The following CFAP300 variants were observed in gnomAD, a reference collection of about 807,000 sequenced individuals.
CFAP300 encodes cilia and flagella associated protein 300, also known as cilia- and flagella-associated protein 300.
A neutral mutation model predicts 33.0 loss-of-function variants in CFAP300; 32 were observed. That is an observed-to-expected ratio of 0.97 (90% CI 0.73 to 1.30). The LOEUF is 1.30. Ranked by LOEUF, CFAP300 falls within the 50% of genes most tolerant of loss-of-function variation. The probability of loss-of-function intolerance (pLI) is 0.00; values close to 1 mark genes in which losing one functional copy is unlikely to be tolerated. For missense variants in CFAP300, 356 were observed against 318.1 expected, an observed-to-expected ratio of 1.12 and a Z score of -0.90; for synonymous variants, 102 against 106.8, an observed-to-expected ratio of 0.95 and a Z score of 0.28.
intron 3 of CFAP300, among the ~76,000 whole-genome samples, chr11:102,064,349 T>G (rs1169814967): frequency 1.3e-5 from 2 of 152,222 alleles, no homozygotes; most frequent in African/African-American, 4.8e-5. Context: ...GTCTTGTTTT[T>G]TTGGACTTTC....
intron 3 of CFAP300, among the ~76,000 whole-genome samples, chr11:102,062,306 C>T (rs752444846): frequency 5.3e-5 from 8 of 152,136 alleles, no homozygotes; most frequent in Non-Finnish European, 1.0e-4. Flanking sequence ...CCCAAGGTGA[C>T]TAAGATGGAT....
At chr11:102,053,281 G>A (rs1050634851) in intron 2 of CFAP300, among the ~76,000 whole-genome samples, 2 of 151,012 alleles carry the variant, frequency 1.3e-5, no homozygotes, top group Admixed American at 6.6e-5. Flanking sequence ...TGGGCACAGT[G>A]GCTCTCACGC....
Position 102,066,509 on chromosome 11 carries a change from C to A in CFAP300, c.293C>A (p.Ala98Asp). ...GGAACTGAAGTGAAAAAAATTGAAGCTATAAATGTTCCTTGCACACAGCTT... is the reference window on the plus strand; with the variant it reads ...GGAACTGAAGTGAAAAAAATTGAAGATATAAATGTTCCTTGCACACAGCTT... ...ILGTEVKKIE[A>D]INVPCTQLSM... The change falls in exon 4 of 7, where the codon GCT becomes GAT. Residue 98 changes from alanine (A) to aspartate (D), a missense_variant. Physicochemically the swap from Ala to Asp is moderately radical, Grantham distance 126 (BLOSUM62 -2). Transcript: ENST00000434758. The A allele has an allele frequency of 6.3e-7, 1 of 1,598,926 alleles. No homozygotes were observed. Among genetic ancestry groups the A allele is most frequent in the Non-Finnish European group, 8.5e-7 (1 of 1,174,824 alleles).
chr11:102,049,456 A>G (rs1941936364), intron 2 of CFAP300, among the ~76,000 whole-genome samples: 1 of 152,190 alleles, frequency 6.6e-6, no homozygotes, highest in African/African-American at 2.4e-5. Flanking sequence ...ATATTTCAGG[A>G]AGGATGTAAA....
chr11:102,058,989 T>C, intron 3 of CFAP300, 34 bp downstream of exon 3: 1 of 1,313,752 alleles, frequency 7.6e-7, no homozygotes, highest in African/African-American at 1.5e-5. Flanking sequence ...AGATACTATT[T>C]TACTATTATA....
chr11:102,073,736 C>A (rs1942352742), intron 4 of CFAP300, among the ~76,000 whole-genome samples: 1 of 152,044 alleles, frequency 6.6e-6, no homozygotes, highest in South Asian at 2.1e-4. Context: ...CAACAGTGGC[C>A]ATGGCAGTAG....
chr11:102,077,560 T>C (rs1224394278), intron 5 of CFAP300, among the ~76,000 whole-genome samples: 3 of 152,232 alleles, frequency 2.0e-5, no homozygotes, highest in Non-Finnish European at 4.4e-5. Flanking sequence ...ACCTTTTTTA[T>C]TTTTTAAATT....
intron 5 of CFAP300, among the ~76,000 whole-genome samples, chr11:102,077,987 C>T (rs190291605): frequency 9.9e-5 from 15 of 152,264 alleles, no homozygotes; most frequent in Admixed American, 9.8e-4. Context: ...GCCTCCTGGG[C>T]TCACGTAGTC....
intron 2 of CFAP300, among the ~76,000 whole-genome samples, chr11:102,049,557 A>G (rs1415153404): frequency 6.6e-6 from 1 of 152,152 alleles, no homozygotes; most frequent in East Asian, 1.9e-4. Flanking sequence ...GTGCCATTAT[A>G]TTATAATGCT....
intron 2 of CFAP300, among the ~76,000 whole-genome samples, chr11:102,048,841 C>A (rs1941927050): frequency 6.6e-6 from 1 of 151,628 alleles, no homozygotes; most frequent in African/African-American, 2.4e-5. Context: ...ATGGAAAATA[C>A]TGTTACAGTT....
intron 2 of CFAP300, among the ~76,000 whole-genome samples, chr11:102,048,567 T>G (rs1229660262): frequency 6.6e-6 from 1 of 152,164 alleles, no homozygotes; most frequent in Non-Finnish European, 1.5e-5. Context: ...GCCGCTTTAT[T>G]TACTAGCTCC....
chr11:102,070,370 C>T (rs1011694677), intron 4 of CFAP300, among the ~76,000 whole-genome samples: 1 of 152,172 alleles, frequency 6.6e-6, no homozygotes, highest in Non-Finnish European at 1.5e-5. Context: ...TCTGTAGAGA[C>T]TGTGAATGAG....
intron 2 of CFAP300, among the ~76,000 whole-genome samples, chr11:102,049,570 T>A (rs1475994653): frequency 1.3e-5 from 2 of 152,180 alleles, no homozygotes. Context: ...ATAATGCTAC[T>A]GATAATGACA....
intron 5 of CFAP300, among the ~76,000 whole-genome samples, chr11:102,080,827 G>A (rs765861551): frequency 6.6e-6 from 1 of 152,146 alleles, no homozygotes; most frequent in Non-Finnish European, 1.5e-5. Context: ...GAAAGAACTA[G>A]CATTTGTATT....
chr11:102,069,474 C>A (rs1244974722), intron 4 of CFAP300, among the ~76,000 whole-genome samples: 1 of 152,014 alleles, frequency 6.6e-6, no homozygotes, highest in Non-Finnish European at 1.5e-5. Flanking sequence ...CACATTCATT[C>A]CAAAAAATTT....
intron 4 of CFAP300, among the ~76,000 whole-genome samples, chr11:102,069,422 A>T (rs17097406): frequency 0.1 from 15,681 of 152,226 alleles, 1,092 homozygotes; most frequent in African/African-American, 0.19. Context: ...AGAGATCTGT[A>T]TGTGAATGGA....
chr11:102,066,903 G>A (rs1368616883), intron 4 of CFAP300, among the ~76,000 whole-genome samples: 2 of 152,280 alleles, frequency 1.3e-5, no homozygotes, highest in East Asian at 1.9e-4. Flanking sequence ...GAGATGCTGC[G>A]AAACGTCATA....
At chr11:102,060,252 C>T (rs986251532) in intron 3 of CFAP300, among the ~76,000 whole-genome samples, 10 of 150,120 alleles carry the variant, frequency 6.7e-5, no homozygotes, top group African/African-American at 2.2e-4. Context: ...AGATTACAGG[C>T]GTGAACCACC....
chr11:102,080,542 C>G (rs971395927), intron 5 of CFAP300, among the ~76,000 whole-genome samples: 1 of 151,908 alleles, frequency 6.6e-6, no homozygotes, highest in Non-Finnish European at 1.5e-5. Flanking sequence ...CTCAGCCTCC[C>G]GAGTACCTGG....
Sources: gnomAD v4.1 joint callset for allele counts (sites outside exome capture counted in the v4.1 genomes callset) on GRCh38, gnomAD v4.1.1 for gene constraint, MANE v1.5 for transcripts, NCBI Gene and HGNC (gene_info 2026-07-23, HGNC 2026-07-21) for gene names.